ZNF148: variants seen among roughly 807,000 people sequenced by gnomAD.
The protein encoded by ZNF148 is Beta-Enolase Repressor Factor-1.
In ZNF148, 7 loss-of-function variants were observed where a neutral mutation model predicts 67.7. That is an observed-to-expected ratio of 0.10 (90% CI 0.06 to 0.19). ZNF148 has a LOEUF of 0.19. Ranked by LOEUF, ZNF148 falls within the 10% of genes least tolerant of loss-of-function variation. The probability of loss-of-function intolerance (pLI) is 1.00; values close to 1 mark genes in which losing one functional copy is unlikely to be tolerated. For synonymous variants in ZNF148, 333 were observed against 330.7 expected (o/e 1.01, Z -0.08); for missense variants, 583 against 947.1 (o/e 0.62, Z 5.05).
At chr3:125,370,312 A>AACAC (rs141519525) in intron 1 of ZNF148, among the ~76,000 whole-genome samples, 3 of 151,450 alleles carry the variant, frequency 2.0e-5, no homozygotes, top group African/African-American at 7.3e-5. Context: ...CACGCTGTCA[A>AACAC]ACACACACAC....
At chr3:125,276,346 T>C (rs1938063274) in intron 7 of ZNF148, among the ~76,000 whole-genome samples, 12 of 152,152 alleles carry the variant, frequency 7.9e-5, no homozygotes, top group Admixed American at 7.9e-4. Context: ...AAACTAGTAA[T>C]GTGCAAAATG....
rs1318839280 is a variant in ZNF148, at chr3:125,227,103, G to A, written c.*5238C>T. ...GACACACGATGCCCCCCTTTCCCTC[G>A]GAAATTTGCTCTAGCATTTTAGGAA... On this transcript the variant is annotated 3_prime_UTR_variant, in exon 9 of 9. Coordinates refer to ENST00000360647, the MANE Select transcript of ZNF148 (RefSeq NM_021964.3). 4 of 149,442 alleles carry A rather than the reference G, an allele frequency of 2.7e-5. No individual in the cohort carries two copies. The highest frequency in any genetic ancestry group is 6.6e-5 in the Admixed American group (1 of 15,196). The allele number at this position is 149,442 out of a possible 1,614,324, so 9.3% of individuals were successfully genotyped here.
intron 7 of ZNF148, among the ~76,000 whole-genome samples, chr3:125,268,994 A>G (rs1208728420): frequency 1.3e-5 from 2 of 152,156 alleles, no homozygotes; most frequent in Non-Finnish European, 2.9e-5. Context: ...TTAAATCAAC[A>G]AGCAAAAAAC....
chr3:125,233,009 T>C lies in ZNF148; in HGVS notation c.1717A>G (p.Ile573Val), dbSNP rs774335465. ...ADTEVTSSIS[I>V]NSSEVPEVTP... is the part of the protein sequence containing the mutation. ...ACCTCTGGTACTTCTGAAGAATTTA[T>C]TGATATGCTAGAAGTCACTTCAGTA... The change falls in exon 9 of 9, where the codon ATA becomes GTA. Residue 573 changes from isoleucine (I) to valine (V), a missense_variant. Coordinates refer to ENST00000360647, the MANE Select transcript of ZNF148 (RefSeq NM_021964.3). The surrounding 1 kb of genome is among the most constrained non-coding windows in gnomAD (Gnocchi z 5.1). 1.7e-5 allele frequency: 27 copies of C among 1,613,558 alleles called. No individual in the cohort carries two copies. Among genetic ancestry groups the C allele is most frequent in the Middle Eastern group, 1.6e-4 (1 of 6,084 alleles).
intron 1 of ZNF148, among the ~76,000 whole-genome samples, chr3:125,334,312 T>C (rs1941404953): frequency 6.6e-6 from 1 of 152,190 alleles, no homozygotes; most frequent in African/African-American, 2.4e-5. Flanking sequence ...TCCTAAGACA[T>C]AATAAAATAC....
intron 1 of ZNF148, among the ~76,000 whole-genome samples, chr3:125,356,612 A>T (rs1041998470): frequency 6.6e-6 from 1 of 152,220 alleles, no homozygotes; most frequent in African/African-American, 2.4e-5. Flanking sequence ...TAAAATTAAG[A>T]AACGCTCTTG....
chr3:125,276,614 G>A (rs1483676586), intron 7 of ZNF148, among the ~76,000 whole-genome samples: 1 of 151,884 alleles, frequency 6.6e-6, no homozygotes. Context: ...TGTATTTTTA[G>A]TAGAGACGGG....
intron 7 of ZNF148, among the ~76,000 whole-genome samples, chr3:125,253,049 G>T (rs1278561631): frequency 6.6e-6 from 1 of 151,960 alleles, no homozygotes. Flanking sequence ...TGACACATAC[G>T]CATCTGCTGG....
At position 125,231,307 on chromosome 3, in the gene ZNF148, C is replaced by T. The variant is rs941256179; in HGVS notation, c.*1034G>A. 2 of 152,302 alleles carry T rather than the reference C, an allele frequency of 1.3e-5. No homozygotes were observed. Among genetic ancestry groups the T allele is most frequent in the Admixed American group, 6.6e-5 (1 of 15,240 alleles). The allele number at this position is 152,302 out of a possible 1,614,324, so 9.4% of individuals were successfully genotyped here. On this transcript the variant is annotated 3_prime_UTR_variant, in exon 9 of 9. Coordinates refer to ENST00000360647, the MANE Select transcript of ZNF148 (RefSeq NM_021964.3). Reference sequence around the variant, plus strand: ...AAGATATCCCAATTTCCTTTTATTGCCAAAAGTTAAAATTGTCAATTACGA... The same window carrying T: ...AAGATATCCCAATTTCCTTTTATTGTCAAAAGTTAAAATTGTCAATTACGA...
chr3:125,246,190 A>T (rs1936590611), intron 7 of ZNF148, among the ~76,000 whole-genome samples: 1 of 152,238 alleles, frequency 6.6e-6, no homozygotes, highest in Non-Finnish European at 1.5e-5. Context: ...TTTAATAATA[A>T]AGGGTCTTCA....
Position 125,327,956 on chromosome 3 carries a change from TAC to T in ZNF148, c.-153+3200_-153+3201del, listed in dbSNP as rs572311225. On this transcript the variant is annotated intron_variant, in intron 2 of 8. Coordinates refer to ENST00000360647, the MANE Select transcript of ZNF148 (RefSeq NM_021964.3). ...ACTGATTCAAATACTCATTCTTCCA[TAC>T]AGTTTCAAATTTTTTTTTAAGTAAT... Among the ~76,000 whole-genome samples, 816 of 152,254 alleles carry T rather than the reference TAC, an allele frequency of 5.4e-3. 6 individuals are homozygous for T. The highest frequency in any genetic ancestry group is 0.019 in the African/African-American group (770 of 41,564).
At chr3:125,271,027 T>A (rs1194973427) in intron 7 of ZNF148, among the ~76,000 whole-genome samples, 3 of 152,238 alleles carry the variant, frequency 2.0e-5, no homozygotes, top group Non-Finnish European at 4.4e-5. Context: ...TAATTATGAG[T>A]AAATATTTTA....
chr3:125,360,866 C>CAT (rs919954551), intron 1 of ZNF148, among the ~76,000 whole-genome samples: 1 of 146,784 alleles, frequency 6.8e-6, no homozygotes, highest in Non-Finnish European at 1.5e-5. Context: ...TATATATATA[C>CAT]ATATATATAG....
intron 4 of ZNF148, among the ~76,000 whole-genome samples, chr3:125,293,233 T>C (rs1258002338): frequency 6.6e-6 from 1 of 152,190 alleles, no homozygotes; most frequent in African/African-American, 2.4e-5. Context: ...TGAGAGCTGC[T>C]AATCTAGATA....
intron 1 of ZNF148, among the ~76,000 whole-genome samples, chr3:125,354,538 G>T (rs1319706044): frequency 6.6e-6 from 1 of 152,188 alleles, no homozygotes; most frequent in Non-Finnish European, 1.5e-5. Context: ...TCACCTGAAG[G>T]TTCCAGTTAT....
At chr3:125,240,311 T>C (rs1004440685) in intron 7 of ZNF148, among the ~76,000 whole-genome samples, 1 of 152,090 alleles carries the variant, frequency 6.6e-6, no homozygotes, top group African/African-American at 2.4e-5. Context: ...CTGGCTAACA[T>C]GGCGAAACAC....
At chr3:125,256,507 T>A (rs1039694622) in intron 7 of ZNF148, among the ~76,000 whole-genome samples, 4 of 151,144 alleles carry the variant, frequency 2.6e-5, no homozygotes, top group Non-Finnish European at 5.9e-5. Context: ...TGAAACCCCA[T>A]CTCTATAAAA....
In ZNF148 at chr3:125,299,975, G is replaced by C. The variant is rs545802865; in HGVS notation, c.334-11747C>G. 3.9e-5 allele frequency among the ~76,000 whole-genome samples: 6 copies of C among 152,096 alleles called. No individual in the cohort carries two copies. The East Asian group carries it at 7.7e-4, about 20-fold the overall frequency. ...TAAAAAGGATTTGAATGTTTGTTTT[G>C]TTGTTGTTGTTTCTGAGGCAGGGTC... On this transcript the variant is annotated intron_variant, in intron 4 of 8. Coordinates refer to ENST00000360647, the MANE Select transcript of ZNF148 (RefSeq NM_021964.3).
intron 7 of ZNF148, among the ~76,000 whole-genome samples, chr3:125,254,707 ATTATT>A (rs1936994515): frequency 1.3e-5 from 2 of 150,420 alleles, no homozygotes; most frequent in Admixed American, 1.3e-4. Context: ...TTTTTTTTTC[ATTATT>A]TTATGTTCTG....
Sources: gnomAD v4.1 joint callset for allele counts (sites outside exome capture counted in the v4.1 genomes callset) on GRCh38, gnomAD v4.1.1 for gene constraint, Gnocchi (gnomAD v3.1) non-coding constraint, MANE v1.5 for transcripts, NCBI Gene and HGNC (gene_info 2026-07-23, HGNC 2026-07-21) for gene names.